The following MFHAS1 variants were observed in gnomAD, a reference collection of about 807,000 sequenced individuals.
MFHAS1 encodes malignant fibrous histiocytoma-amplified sequence 1.
In MFHAS1, 50 loss-of-function variants were observed where a neutral mutation model predicts 70.4. The observed-to-expected ratio is 0.71, with a 90% CI of 0.57 to 0.90. The LOEUF is 0.90. MFHAS1 is among the 40% of genes least tolerant of loss of function. The pLI, the probability that MFHAS1 is intolerant of heterozygous loss-of-function variation, is 0.00. For missense variants in MFHAS1, 1,795 were observed against 1,347.6 expected, an observed-to-expected ratio of 1.33 and a Z score of -5.20; for synonymous variants, 952 against 620.0, an observed-to-expected ratio of 1.54 and a Z score of -7.96.
intron 1 of MFHAS1, among the ~76,000 whole-genome samples, chr8:8,843,275 CAA>C (rs565954183): frequency 4.9e-5 from 6 of 123,654 alleles, no homozygotes; most frequent in Non-Finnish European, 3.3e-5. Context: ...GACTCCGTCT[CAA>C]AAAAAAAAAA....
At chr8:8,872,393 C>A (rs1166691647) in intron 1 of MFHAS1, among the ~76,000 whole-genome samples, 1 of 152,094 alleles carries the variant, frequency 6.6e-6, no homozygotes, top group Admixed American at 6.5e-5. Flanking sequence ...TAAAAGGGGA[C>A]GGCAGGAGGA....
Position 8,891,356 on chromosome 8 carries a change from C to A in MFHAS1, c.1703G>T (p.Gly568Val). 3.7e-6 allele frequency: 6 copies of A among 1,611,100 alleles called. No individual in the cohort carries two copies. Among genetic ancestry groups the A allele is most frequent in the Non-Finnish European group, 5.1e-6 (6 of 1,180,014 alleles). Reference sequence around the variant, plus strand: ...CACCACCTTGGCCAAGCGGCTCAGTCCCTCCGCGTCGTGCTTCTCCTGCAG... The same window carrying A: ...CACCACCTTGGCCAAGCGGCTCAGTACCTCCGCGTCGTGCTTCTCCTGCAG... ...IALQEKHDAE[G>V]LSRLAKVVDE... The change falls in exon 1 of 3, where the codon GGA becomes GTA. Residue 568 changes from glycine to valine, a missense_variant. Transcript: ENST00000276282. This position sits in a 1 kb window ranked among gnomAD's most constrained non-coding sequence, Gnocchi z 5.4.
chr8:8,817,280 C>A (rs189213697), intron 1 of MFHAS1, among the ~76,000 whole-genome samples: 11 of 152,158 alleles, frequency 7.2e-5, no homozygotes, highest in African/African-American at 2.7e-4. Context: ...AAAAAAAGCA[C>A]TTGATTTCTT....
In MFHAS1 at chr8:8,892,031, C is replaced by T; in HGVS notation, c.1028G>A (p.Gly343Asp). The T allele has an allele frequency of 6.2e-7, 1 of 1,613,426 alleles. No homozygotes were observed. The highest frequency in any genetic ancestry group is 1.1e-5 in the South Asian group (1 of 91,072). ...YLPDSIVELT[G>D]LEELVLQGNQ... ...CCCCTGCAGCACGAGCTCCTCCAGG[C>T]CGGTCAGCTCCACGATGGAGTCCGG... Residue 343 changes from glycine to aspartate, a missense_variant, in exon 1 of 3, where the codon GGC (glycine) becomes GAC (aspartate). Coordinates refer to ENST00000276282, the MANE Select transcript of MFHAS1 (RefSeq NM_004225.3). The surrounding 1 kb of genome is among the most constrained non-coding windows in gnomAD (Gnocchi z 4.7).
intron 1 of MFHAS1, among the ~76,000 whole-genome samples, chr8:8,849,064 C>CTTTTTTTTTTTTTTTTT (rs145250762): frequency 2.6e-5 from 2 of 75,772 alleles, no homozygotes; most frequent in African/African-American, 9.6e-5. Context: ...TCCTTTTTAC[C>CTTTTTTTTTTTTTTTTT]TTTTTTTTTT....
intron 1 of MFHAS1, among the ~76,000 whole-genome samples, chr8:8,872,217 G>C (rs1312647204): frequency 1.3e-5 from 2 of 152,172 alleles, no homozygotes; most frequent in African/African-American, 2.4e-5. Context: ...ATTTGTCTAT[G>C]ACCAAAGAAT....
At chr8:8,827,143 A>G (rs971726718) in intron 1 of MFHAS1, among the ~76,000 whole-genome samples, 1 of 152,226 alleles carries the variant, frequency 6.6e-6, no homozygotes, top group African/African-American at 2.4e-5. Context: ...GTTAGTACGT[A>G]GAGAATTGTG....
At chr8:8,814,465 G>A (rs926620927) in intron 1 of MFHAS1, among the ~76,000 whole-genome samples, 2 of 152,132 alleles carry the variant, frequency 1.3e-5, no homozygotes, top group East Asian at 1.9e-4. Flanking sequence ...TGACACAAGC[G>A]CCCAAGGGTG....
At chr8:8,791,970 G>A (rs1199402313) in intron 2 of MFHAS1, among the ~76,000 whole-genome samples, 5 of 152,140 alleles carry the variant, frequency 3.3e-5, no homozygotes, top group African/African-American at 1.2e-4. Flanking sequence ...GGCCAGGCAC[G>A]GTGGCTCACG....
intron 1 of MFHAS1, among the ~76,000 whole-genome samples, chr8:8,805,147 G>C (rs950894673): frequency 2.6e-5 from 4 of 152,056 alleles, no homozygotes; most frequent in Non-Finnish European, 5.9e-5. Flanking sequence ...TTCAACCACA[G>C]AAAGCCAAGG....
chr8:8,848,397 G>GAA (rs11362070), intron 1 of MFHAS1, among the ~76,000 whole-genome samples: 3 of 131,048 alleles, frequency 2.3e-5, no homozygotes, highest in Admixed American at 7.4e-5. Context: ...TAAAGAGGAA[G>GAA]AAAAAAAAAA....
Position 8,892,761 on chromosome 8 carries a change from C to G in MFHAS1, c.298G>C (p.Ala100Pro). 6.3e-7 allele frequency: 1 copy of G among 1,577,086 alleles called. No homozygotes were observed. Among genetic ancestry groups the G allele is most frequent in the Non-Finnish European group, 8.6e-7 (1 of 1,163,544 alleles). ...TCGGCCACCGCCGGGGGCAGCCGGGCGAAGCGGTTCCTGCGCAGGACCAGG... is the reference window on the plus strand; with the variant it reads ...TCGGCCACCGCCGGGGGCAGCCGGGGGAAGCGGTTCCTGCGCAGGACCAGG... ...RVLVLRRNRF[A>P]RLPPAVAELG... The change falls in exon 1 of 3, where the codon GCC (alanine) becomes CCC (proline). Residue 100 changes from alanine to proline, a missense_variant. Ala to Pro is a conservative substitution (Grantham distance 27). Coordinates refer to ENST00000276282, the MANE Select transcript of MFHAS1 (RefSeq NM_004225.3). The surrounding 1 kb of genome is among the most constrained non-coding windows in gnomAD (Gnocchi z 4.7).
intron 1 of MFHAS1, among the ~76,000 whole-genome samples, chr8:8,834,424 G>T (rs1807524229): frequency 6.6e-6 from 1 of 152,166 alleles, no homozygotes; most frequent in Non-Finnish European, 1.5e-5. Context: ...CCAGTACGCA[G>T]GCTCCATTCA....
intron 1 of MFHAS1, among the ~76,000 whole-genome samples, chr8:8,849,844 T>C (rs1296788184): frequency 6.6e-6 from 1 of 152,248 alleles, no homozygotes; most frequent in African/African-American, 2.4e-5. Context: ...CTCAAAGCCC[T>C]AATTGCCTGG....
chr8:8,795,984 T>C (rs1347609936), intron 2 of MFHAS1, among the ~76,000 whole-genome samples: 4 of 152,178 alleles, frequency 2.6e-5, no homozygotes, highest in African/African-American at 9.7e-5. Flanking sequence ...ATCACCCAGA[T>C]CATGAGATCT....
rs757961778 is a variant in MFHAS1, at chr8:8,892,975, G to A, written c.84C>T (p.Asn28=). 26 of 1,541,840 alleles carry A rather than the reference G, an allele frequency of 1.7e-5. No individual in the cohort carries two copies. The Middle Eastern group carries it at 1.2e-3, about 70-fold the overall frequency. The change falls in exon 1 of 3, where the codon AAC becomes AAT. Residue 28 remains asparagine, a synonymous_variant. Coordinates refer to ENST00000276282, the MANE Select transcript of MFHAS1 (RefSeq NM_004225.3). The surrounding 1 kb of genome is among the most constrained non-coding windows in gnomAD (Gnocchi z 4.7). ...AALRARKLRS[N]LRQLTLTAAG... is the part of the protein sequence containing the mutation. ...CGGCGGTAAGCGTGAGCTGGCGCAG[G>A]TTGCTCCGCAGCTTCCTGGCACGCA...
intron 2 of MFHAS1, among the ~76,000 whole-genome samples, chr8:8,794,919 G>C (rs1805839980): frequency 6.6e-6 from 1 of 152,072 alleles, no homozygotes; most frequent in Non-Finnish European, 1.5e-5. Flanking sequence ...ATTTTTTTCA[G>C]GTTGGTATAA....
chr8:8,786,222 C>T (rs531860313), intron 2 of MFHAS1, among the ~76,000 whole-genome samples, 167 bp from the exon 3 acceptor site: 59 of 152,288 alleles, frequency 3.9e-4, no homozygotes, highest in African/African-American at 1.4e-3. Context: ...ACTTATGTCC[C>T]CACAAAGGAA....
chr8:8,864,465 T>G (rs1451770181), intron 1 of MFHAS1, among the ~76,000 whole-genome samples: 3 of 152,248 alleles, frequency 2.0e-5, no homozygotes, highest in South Asian at 4.1e-4. Context: ...TTAATGTTCC[T>G]TGGACCAAAT....
Sources: allele counts gnomAD v4.1 joint callset (sites outside exome capture counted in the v4.1 genomes callset), GRCh38; gene constraint gnomAD v4.1.1; non-coding constraint Gnocchi (gnomAD v3.1); transcripts MANE v1.5; gene names NCBI Gene and HGNC (gene_info 2026-07-23, HGNC 2026-07-21).